The following SORCS1 variants were observed in gnomAD, a reference collection of about 807,000 sequenced individuals.
SORCS1 encodes the protein VPS10 domain-containing receptor SorCS1.
Under a neutral mutation model 146.1 loss-of-function variants are expected in SORCS1, and 60 were observed. The ratio of observed to expected loss-of-function variants is 0.41; its 90% CI spans 0.33 to 0.51. The LOEUF (loss-of-function observed/expected upper bound fraction) is 0.51, where lower values mean the gene tolerates loss of function less well. Among genes scored for constraint, SORCS1 ranks in the 20% least tolerant of loss-of-function variants. The pLI, the probability that SORCS1 is intolerant of heterozygous loss-of-function variation, is 0.21. For synonymous variants in SORCS1, 637 were observed against 584.0 expected, an observed-to-expected ratio of 1.09 and a Z score of -1.31; for missense variants, 1,352 against 1,487.6, an observed-to-expected ratio of 0.91 and a Z score of 1.50.
chr10:106,613,420 G>T (rs1847140978), intron 21 of SORCS1, among the ~76,000 whole-genome samples: 1 of 152,174 alleles, frequency 6.6e-6, no homozygotes, highest in Non-Finnish European at 1.5e-5. Context: ...GCCTGTTCAG[G>T]AGTCTTGGAG....
At chr10:106,718,317 C>A (rs773046915) in intron 6 of SORCS1, among the ~76,000 whole-genome samples, 52 of 152,338 alleles carry the variant, frequency 3.4e-4, no homozygotes, top group South Asian at 4.1e-4. Context: ...ACATAACTTT[C>A]TGTGTCCGCA....
chr10:106,933,905 C>T (rs542270365), intron 2 of SORCS1, among the ~76,000 whole-genome samples: 1 of 152,018 alleles, frequency 6.6e-6, no homozygotes, highest in Non-Finnish European at 1.5e-5. Flanking sequence ...ACCAGCCTGG[C>T]CAACATGGCG....
chr10:107,132,694 T>C (rs1401672820), intron 1 of SORCS1, among the ~76,000 whole-genome samples: 2 of 152,204 alleles, frequency 1.3e-5, no homozygotes, highest in African/African-American at 4.8e-5. Flanking sequence ...AAGCAGCACT[T>C]CCGTGCCTAG....
upstream of SORCS1, among the ~76,000 whole-genome samples, chr10:107,167,841 GAT>G (rs370991651): frequency 1.2e-4 from 19 of 152,050 alleles, no homozygotes; most frequent in African/African-American, 4.3e-4. Context: ...GACAGAAGCA[GAT>G]AGAGAAAGAA....
chr10:106,577,048 C>A lies in SORCS1; in HGVS notation c.*372G>T. On this transcript the variant is annotated 3_prime_UTR_variant, in exon 26 of 26. Transcript: ENST00000263054. The stretch of plus-strand genomic sequence containing the variant: ...TGTACACTGCCCCTCCAGACATGTT[C>A]TCAGAGTATTGTCCACATGCACAGG... 1 of 426,348 alleles carries A rather than the reference C, an allele frequency of 2.3e-6. No homozygotes were observed. The highest frequency in any genetic ancestry group is 2.1e-5 in the South Asian group (1 of 47,262). 26.4% of individuals were successfully genotyped at this position (426,348 alleles called of 1,614,324 possible). A position where few individuals can be genotyped will look rare whatever the true frequency, so the allele number is the denominator to read the frequency against.
chr10:106,801,179 C>T (rs928367810), intron 3 of SORCS1, among the ~76,000 whole-genome samples: 4 of 151,822 alleles, frequency 2.6e-5, no homozygotes, highest in African/African-American at 7.3e-5. Context: ...TATATGAACA[C>T]CTAATTTTCA....
At position 106,577,484 on chromosome 10, in the gene SORCS1, G is replaced by GCTCTTT; in HGVS notation, c.3437_3442dup (p.Arg1147_Ala1148insGluArg). 6.2e-7 allele frequency: 1 copy of GCTCTTT among 1,613,496 alleles called. No individual in the cohort carries two copies. The highest frequency in any genetic ancestry group is 8.5e-7 in the Non-Finnish European group (1 of 1,179,694). On this transcript the variant is annotated inframe_insertion, in exon 26 of 26. Transcript: ENST00000263054. ...CGTTGAAGGCGGAGTGGCGTGTCTT[G>GCTCTTT]CTCTTTGCAATCGGAGAGATGAGTC...
At position 107,164,196 on chromosome 10, in the gene SORCS1, T is replaced by C. The variant is rs962974852; in HGVS notation, c.331A>G (p.Ser111Gly). The C allele has an allele frequency of 6.2e-7, 1 of 1,610,756 alleles. No homozygotes were observed. Among genetic ancestry groups the C allele is most frequent in the East Asian group, 2.2e-5 (1 of 44,826 alleles). The change falls in exon 1 of 26, where the codon AGC becomes GGC. Residue 111 changes from serine (S) to glycine (G), a missense_variant. By Grantham distance (56) the Ser-to-Gly change is moderately conservative. Around this residue, in one of 3 missense-constraint regions of SORCS1, gnomAD observed 490 missense variants for 489.1 expected, o/e 1.00. Coordinates refer to ENST00000263054, the MANE Select transcript of SORCS1 (RefSeq NM_052918.5). This position sits in a 1 kb window ranked among gnomAD's most constrained non-coding sequence, Gnocchi z 6.8. ...TCTGCCTTCTCCTGATCCGCTCCGC[T>C]CCGTCTCCTCCGGCCGGAGCGTGCA... Reference protein sequence around the residue: ...VAARSGRRRRSGADQEKAERG... With the variant: ...VAARSGRRRRGGADQEKAERG...
chr10:106,621,425 GGT>G (rs2133500764), intron 19 of SORCS1, among the ~76,000 whole-genome samples: 1 of 151,570 alleles, frequency 6.6e-6, no homozygotes, highest in Non-Finnish European at 1.5e-5. Context: ...CTATTCACCT[GGT>G]TTATTACCTC....
At chr10:106,770,954 G>A (rs1859975415) in intron 4 of SORCS1, among the ~76,000 whole-genome samples, 1 of 152,234 alleles carries the variant, frequency 6.6e-6, no homozygotes, top group Non-Finnish European at 1.5e-5. Flanking sequence ...GAGAAGAGCA[G>A]CCCTTCCTGC....
At chr10:107,095,076 A>G (rs1266274957) in intron 1 of SORCS1, among the ~76,000 whole-genome samples, 2 of 152,164 alleles carry the variant, frequency 1.3e-5, no homozygotes, top group African/African-American at 4.8e-5. Context: ...GTTACCTAAG[A>G]GCACTGGCTG....
chr10:106,577,112 T>C lies in SORCS1; in HGVS notation c.*308A>G, dbSNP rs1844612580. On this transcript the variant is annotated 3_prime_UTR_variant, in exon 26 of 26. Coordinates refer to ENST00000263054, the MANE Select transcript of SORCS1 (RefSeq NM_052918.5). Reference sequence around the variant, plus strand: ...ACCCTTGTTGTCTGTGTCTGAAGAATTAAAAAGTCCCGATGCAGTGAGTGT... The same window carrying C: ...ACCCTTGTTGTCTGTGTCTGAAGAACTAAAAAGTCCCGATGCAGTGAGTGT... The C allele has an allele frequency of 6.2e-6, 6 of 966,890 alleles. No homozygotes were observed. Among genetic ancestry groups the C allele is most frequent in the Non-Finnish European group, 8.4e-6 (6 of 711,670 alleles). 59.9% of individuals were successfully genotyped at this position (966,890 alleles called of 1,614,324 possible).
chr10:106,615,581 AGGAG>A (rs1180948943), intron 21 of SORCS1, among the ~76,000 whole-genome samples: 1 of 152,126 alleles, frequency 6.6e-6, no homozygotes. Context: ...TGGGAGGCTG[AGGAG>A]GGAGGATCGC....
At chr10:106,961,312 T>G (rs868531924) in intron 1 of SORCS1, among the ~76,000 whole-genome samples, 1 of 152,322 alleles carries the variant, frequency 6.6e-6, no homozygotes. Context: ...CATGGTTTTA[T>G]TATTAACATA....
At chr10:106,688,054 C>G (rs1852995395) in intron 10 of SORCS1, 138 bp downstream of exon 10, 1 of 1,170,148 alleles carries the variant, frequency 8.5e-7, no homozygotes, top group South Asian at 1.6e-5. Flanking sequence ...TTTTCTACAC[C>G]CTTTGCCTTC....
chr10:107,170,084 A>G, the SORCS1 span, among the ~76,000 whole-genome samples: 2 of 152,178 alleles, frequency 1.3e-5, no homozygotes, highest in Non-Finnish European at 2.9e-5. Context: ...TAGATTTTTG[A>G]AAATATACCT....
At chr10:107,121,851 T>C (rs1298467116) in intron 1 of SORCS1, among the ~76,000 whole-genome samples, 6 of 152,196 alleles carry the variant, frequency 3.9e-5, no homozygotes, top group Non-Finnish European at 7.4e-5. Context: ...GGTTTGGGCA[T>C]GGGGAGAGGG....
intron 1 of SORCS1, among the ~76,000 whole-genome samples, chr10:107,070,790 A>T (rs1302236228): frequency 2.6e-5 from 4 of 152,232 alleles, no homozygotes; most frequent in Non-Finnish European, 2.9e-5. Context: ...TGACTATGTT[A>T]CTGAATACTC....
At chr10:106,685,730 C>CA (rs1174735918) in intron 10 of SORCS1, among the ~76,000 whole-genome samples, 6 of 152,218 alleles carry the variant, frequency 3.9e-5, no homozygotes, top group African/African-American at 1.4e-4. Flanking sequence ...GAGAACTACA[C>CA]AGGGGCCAGA....
Sources: allele counts gnomAD v4.1 joint callset (sites outside exome capture counted in the v4.1 genomes callset), GRCh38; gene constraint gnomAD v4.1.1; regional missense constraint gnomAD v4.1.1; non-coding constraint Gnocchi (gnomAD v3.1); transcripts MANE v1.5; gene names NCBI Gene and HGNC (gene_info 2026-07-23, HGNC 2026-07-21).